The following PLEKHA5 variants were observed in gnomAD, a reference collection of about 807,000 sequenced individuals.
PLEKHA5 encodes the protein pleckstrin homology domain containing A5.
In PLEKHA5, 55 loss-of-function variants were observed where a neutral mutation model predicts 181.9. The ratio of observed to expected loss-of-function variants is 0.30; its 90% CI spans 0.24 to 0.38. The LOEUF (loss-of-function observed/expected upper bound fraction) is 0.38. Ranked by LOEUF, PLEKHA5 falls within the 10% of genes least tolerant of loss-of-function variation. The pLI is 1.00. For synonymous variants in PLEKHA5, 535 were observed against 529.4 expected (o/e 1.01, Z -0.15); for missense variants, 1,432 against 1,549.5 (o/e 0.92, Z 1.27).
At chr12:19,251,178 A>G (rs1356971230) in intron 3 of PLEKHA5, among the ~76,000 whole-genome samples, 5 of 152,020 alleles carry the variant, frequency 3.3e-5, no homozygotes, top group African/African-American at 1.2e-4. Flanking sequence ...GCCAAGGCTG[A>G]TGGATCACTT....
intron 8 of PLEKHA5, 92 bp from the exon 9 acceptor site, chr12:19,269,678 A>G (rs2071962232): frequency 3.4e-6 from 2 of 594,266 alleles, no homozygotes; most frequent in South Asian, 5.2e-5. Context: ...TTTGATAGCA[A>G]CGTTCTATGT....
intron 11 of PLEKHA5, among the ~76,000 whole-genome samples, chr12:19,275,400 C>A (rs1157600811): frequency 6.6e-6 from 1 of 152,184 alleles, no homozygotes; most frequent in Non-Finnish European, 1.5e-5. Flanking sequence ...AATATGGAGG[C>A]AGCAAAGGCC....
At chr12:19,247,512 T>C (rs1193515764) in intron 3 of PLEKHA5, among the ~76,000 whole-genome samples, 3 of 152,180 alleles carry the variant, frequency 2.0e-5, no homozygotes, top group Admixed American at 6.5e-5. Flanking sequence ...TGTTATACAG[T>C]TTGATGGAAA....
intron 29 of PLEKHA5, 29 bp downstream of exon 29, chr12:19,361,735 T>G: frequency 1.3e-6 from 2 of 1,569,858 alleles, no homozygotes; most frequent in Non-Finnish European, 1.7e-6. Flanking sequence ...AAAGGAATCA[T>G]TCACAAAACT....
intron 29 of PLEKHA5, among the ~76,000 whole-genome samples, chr12:19,365,109 C>T (rs545498116): frequency 7.9e-5 from 12 of 152,196 alleles, no homozygotes; most frequent in South Asian, 4.2e-4. Flanking sequence ...CAGTAGGTCA[C>T]GCCTGTAATC....
chr12:19,352,076 CAAAAAAAA>C (rs1188985121), intron 25 of PLEKHA5, among the ~76,000 whole-genome samples: 6 of 39,854 alleles, frequency 1.5e-4, no homozygotes, highest in Admixed American at 9.1e-4. Flanking sequence ...AACTCCATCT[CAAAAAAAA>C]AAAAAAAAAA....
chr12:19,137,203 T>C (rs888172094), intron 3 of PLEKHA5, among the ~76,000 whole-genome samples: 2 of 152,000 alleles, frequency 1.3e-5, no homozygotes, highest in South Asian at 4.2e-4. Context: ...GCCTGGCTAA[T>C]TTTTTGTATT....
chr12:19,207,983 A>G (rs933842534), intron 3 of PLEKHA5, among the ~76,000 whole-genome samples: 9 of 152,206 alleles, frequency 5.9e-5, no homozygotes, highest in African/African-American at 1.9e-4. Context: ...TGAAATATTT[A>G]TAATAAAATA....
intron 15 of PLEKHA5, among the ~76,000 whole-genome samples, chr12:19,296,871 T>C (rs2079955719): frequency 1.3e-5 from 2 of 152,224 alleles, no homozygotes; most frequent in Admixed American, 1.3e-4. Flanking sequence ...AGTTGGAACG[T>C]GTTTCCCTCC....
Position 19,274,514 on chromosome 12 carries a change from A to G in PLEKHA5, c.846-2A>G. On this transcript the variant is annotated splice_acceptor_variant, in intron 10 of 31. Coordinates refer to ENST00000429027, the MANE Select transcript of PLEKHA5 (RefSeq NM_001256470.2). LOFTEE classifies it high-confidence loss of function. The stretch of plus-strand genomic sequence containing the variant: ...TACTATGATTTTCTTCTCTGATTTC[A>G]GAGTGGACAAGATTACATCTGAAAA... 1 of 1,557,208 alleles carries G rather than the reference A, an allele frequency of 6.4e-7. No individual in the cohort carries two copies. The highest frequency in any genetic ancestry group is 8.8e-7 in the Non-Finnish European group (1 of 1,138,350).
intron 3 of PLEKHA5, among the ~76,000 whole-genome samples, chr12:19,163,625 ACTT>A (rs2043516595): frequency 6.6e-6 from 1 of 152,120 alleles, no homozygotes; most frequent in Non-Finnish European, 1.5e-5. Context: ...ACTATGTTTA[ACTT>A]CTTGTTTGTG....
intron 15 of PLEKHA5, among the ~76,000 whole-genome samples, chr12:19,297,141 C>T (rs1431305402): frequency 1.3e-5 from 2 of 152,100 alleles, no homozygotes; most frequent in African/African-American, 4.8e-5. Flanking sequence ...GCTTCACATG[C>T]TTTTGGTAAG....
chr12:19,142,096 ACG>A (rs1399876288), intron 3 of PLEKHA5, among the ~76,000 whole-genome samples: 8 of 152,214 alleles, frequency 5.3e-5, no homozygotes, highest in African/African-American at 1.4e-4. Context: ...GCTGTGGCTC[ACG>A]CCTGTAATCC....
At position 19,283,751 on chromosome 12, in the gene PLEKHA5, A is replaced by G; in HGVS notation, c.1779+6A>G. On this transcript the variant is annotated splice_donor_region_variant and intron_variant, in intron 12 of 31. Transcript: ENST00000429027. ...ACAGGGCCCATCACCCTAAGGTAAA[A>G]TAGCTGCTGATTTTGTGTTAACTCA... The G allele has an allele frequency of 1.3e-6, 2 of 1,570,770 alleles. No homozygotes were observed. The highest frequency in any genetic ancestry group is 1.8e-6 in the Non-Finnish European group (2 of 1,142,398).
intron 21 of PLEKHA5, 47 bp from the exon 22 acceptor site, chr12:19,343,276 T>C: frequency 9.4e-7 from 1 of 1,067,244 alleles, no homozygotes; most frequent in Non-Finnish European, 1.4e-6. Context: ...TTAACTTCAG[T>C]GAATGATTTT....
chr12:19,179,218 G>A (rs2047986022), intron 3 of PLEKHA5, among the ~76,000 whole-genome samples: 2 of 152,068 alleles, frequency 1.3e-5, no homozygotes, highest in Admixed American at 1.3e-4. Flanking sequence ...GATCCCATAG[G>A]TTGTTGTTAG....
At chr12:19,271,349 A>T (rs1399787988) in intron 10 of PLEKHA5, among the ~76,000 whole-genome samples, 1 of 152,058 alleles carries the variant, frequency 6.6e-6, no homozygotes, top group Non-Finnish European at 1.5e-5. Context: ...TACCAAAAAT[A>T]CAAAAATTAG....
chr12:19,315,036 A>G (rs954589861), intron 16 of PLEKHA5, 142 bp downstream of exon 16: 5 of 623,182 alleles, frequency 8.0e-6, no homozygotes, highest in African/African-American at 3.7e-5. Context: ...GAAAACCACA[A>G]TTCATCCATG....
chr12:19,319,821 C>T (rs911090519), intron 16 of PLEKHA5, 200 bp from the exon 17 acceptor site: 2 of 395,646 alleles, frequency 5.1e-6, no homozygotes, highest in Non-Finnish European at 9.0e-6. Flanking sequence ...ATGTACTGGG[C>T]AGAAGCTGAA....
Sources: gnomAD v4.1 joint callset for allele counts (sites outside exome capture counted in the v4.1 genomes callset) on GRCh38, gnomAD v4.1.1 for gene constraint, MANE v1.5 for transcripts, NCBI Gene and HGNC (gene_info 2026-07-23, HGNC 2026-07-21) for gene names.